Variants in ADH1A observed in about 807,000 individuals in gnomAD.
ADH1A encodes the protein alcohol dehydrogenase 1A.
A neutral mutation model predicts 35.2 loss-of-function variants in ADH1A; 29 were observed. The observed-to-expected ratio is 0.82, with a 90% CI of 0.61 to 1.12. The LOEUF (loss-of-function observed/expected upper bound fraction) is 1.12. ADH1A is among the 50% of genes most tolerant of loss of function. The pLI, the probability that ADH1A is intolerant of heterozygous loss-of-function variation, is 0.00. For synonymous variants in ADH1A, 147 were observed against 164.8 expected (o/e 0.89, Z 0.83); for missense variants, 469 against 464.7 (o/e 1.01, Z -0.09).
intron 6 of ADH1A, among the ~76,000 whole-genome samples, chr4:99,280,910 C>T (rs1431979479): frequency 1.3e-5 from 2 of 152,122 alleles, no homozygotes; most frequent in Non-Finnish European, 2.9e-5. Context: ...TTCCAGTGAG[C>T]TTTCTGAACA....
chr4:99,290,050 A>G (rs1733255591), intron 1 of ADH1A, among the ~76,000 whole-genome samples: 1 of 152,174 alleles, frequency 6.6e-6, no homozygotes, highest in Admixed American at 6.5e-5. Flanking sequence ...TCCTAACACA[A>G]AAAAGGACTG....
chr4:99,279,576 A>T lies in ADH1A; in HGVS notation c.965-12T>A, dbSNP rs988779278. 2 of 1,605,380 alleles carry T rather than the reference A, an allele frequency of 1.2e-6. No individual in the cohort carries two copies. Among genetic ancestry groups the T allele is most frequent in the African/African-American group, 2.7e-5 (2 of 74,356 alleles). On this transcript the variant is annotated splice_polypyrimidine_tract_variant and intron_variant, in intron 7 of 8. Transcript: ENST00000209668. ...TTTACTTTTAAAGCCTGAAAAGAAG[A>T]TGGTATCATTGTTAGATTCAACCAG...
intron 6 of ADH1A, chr4:99,281,717 C>T (rs1166160534): frequency 1.2e-5 from 2 of 161,006 alleles, no homozygotes; most frequent in Non-Finnish European, 2.7e-5. Flanking sequence ...GAGTATATAG[C>T]TTTGAAATTT....
chr4:99,287,159 C>T, intron 2 of ADH1A, 171 bp from the exon 3 acceptor site: 2 of 737,950 alleles, frequency 2.7e-6, no homozygotes, highest in Non-Finnish European at 4.2e-6. Context: ...CAGGCTGAAA[C>T]CCTCCTCTAC....
At position 99,284,404 on chromosome 4, in the gene ADH1A, C is replaced by T. The variant is rs201853974; in HGVS notation, c.562G>A (p.Ala188Thr). The T allele has an allele frequency of 3.3e-5, 53 of 1,614,006 alleles. No homozygotes were observed. Among genetic ancestry groups the T allele is most frequent in the Non-Finnish European group, 4.3e-5 (51 of 1,180,026 alleles). The change falls in exon 5 of 9, where the codon GCC becomes ACC. Residue 188 changes from alanine (A) to threonine (T), a missense_variant. Physicochemically the swap from Ala to Thr is moderately conservative, Grantham distance 58 (BLOSUM62 0). Coordinates refer to ENST00000209668, the MANE Select transcript of ADH1A (RefSeq NM_000667.4). Reference protein sequence around the residue: ...STGYGSAVNVAKVTPGSTCAV... With the variant: ...STGYGSAVNVTKVTPGSTCAV... ...TCACCCATTGCCATTCTTACCTTGG[C>T]AACATTGACTGCAGACCCATAACCA...
chr4:99,279,677 C>A (rs56270330), intron 7 of ADH1A, 113 bp from the exon 8 acceptor site: 39 of 1,296,686 alleles, frequency 3.0e-5, no homozygotes, highest in Middle Eastern at 1.9e-4. Flanking sequence ...CAGACTGCAA[C>A]GACTGAGGTT....
intron 8 of ADH1A, 38 bp downstream of exon 8, chr4:99,279,387 GA>G (rs35613639): frequency 2.9e-5 from 45 of 1,565,906 alleles, no homozygotes; most frequent in Non-Finnish European, 3.3e-5. Flanking sequence ...CCCTATGGTA[GA>G]AAAAAAAGCA....
At position 99,276,621 on chromosome 4, in the gene ADH1A, G is replaced by A. The variant is rs1732873815; in HGVS notation, c.*3C>T. The A allele has an allele frequency of 6.2e-7, 1 of 1,611,742 alleles. No individual in the cohort carries two copies. The highest frequency in any genetic ancestry group is 8.5e-7 in the Non-Finnish European group (1 of 1,177,914). On this transcript the variant is annotated 3_prime_UTR_variant, in exon 9 of 9. Transcript: ENST00000209668. ...TGCCACAAGGGAAAACATCTGTATTGTCTCAAAACATCAGAATGGTACGGA... is the reference window on the plus strand; with the variant it reads ...TGCCACAAGGGAAAACATCTGTATTATCTCAAAACATCAGAATGGTACGGA...
chr4:99,284,760 G>A lies in ADH1A; in HGVS notation c.303C>T (p.Cys101=). ...IPLAIPQCGK[C]RICKNPESNY... The stretch of plus-strand genomic sequence containing the variant: ...TGCTCTCCGGGTTTTTACAAATTCT[G>A]CATTTTCCACACTGAGGAATAGCGA... The change falls in exon 4 of 9, where the codon TGC becomes TGT. Residue 101 remains cysteine (C), a synonymous_variant. Coordinates refer to ENST00000209668, the MANE Select transcript of ADH1A (RefSeq NM_000667.4). 6.2e-7 allele frequency: 1 copy of A among 1,614,172 alleles called. No homozygotes were observed. The highest frequency in any genetic ancestry group is 8.5e-7 in the Non-Finnish European group (1 of 1,180,034).
chr4:99,288,076 G>A (rs891931857), intron 1 of ADH1A, among the ~76,000 whole-genome samples: 5 of 152,122 alleles, frequency 3.3e-5, no homozygotes, highest in Non-Finnish European at 7.4e-5. Flanking sequence ...AAAATACACT[G>A]TTTTCTTTCT....
At chr4:99,290,533 A>G (rs1294228654) in intron 1 of ADH1A, among the ~76,000 whole-genome samples, 1 of 152,222 alleles carries the variant, frequency 6.6e-6, no homozygotes, top group Non-Finnish European at 1.5e-5. Flanking sequence ...ATAGTAATAC[A>G]TTTAAATTAT....
chr4:99,280,982 T>C (rs187505296), intron 6 of ADH1A, among the ~76,000 whole-genome samples: 69 of 152,334 alleles, frequency 4.5e-4, no homozygotes, highest in African/African-American at 1.6e-3. Context: ...AGTTCTTTGA[T>C]TTTGGATTCT....
rs201380866 is a variant in ADH1A, at chr4:99,284,635, A to G, written c.348-17T>C. ...TTGCTTACACTGGACAGTGCAATAC[A>G]AAGACACACAAAGGCATGAGACAGG... On this transcript the variant is annotated splice_polypyrimidine_tract_variant and intron_variant, in intron 4 of 8. Transcript: ENST00000209668. 6.2e-7 allele frequency: 1 copy of G among 1,614,016 alleles called. No individual in the cohort carries two copies. The highest frequency in any genetic ancestry group is 8.5e-7 in the Non-Finnish European group (1 of 1,179,820).
At chr4:99,279,189 G>T (rs758806249) in intron 8 of ADH1A, among the ~76,000 whole-genome samples, 4 of 151,918 alleles carry the variant, frequency 2.6e-5, no homozygotes, top group South Asian at 2.1e-4. Flanking sequence ...TGATCATTCG[G>T]ATTTGCTGTA....
chr4:99,277,861 A>G (rs1387033863), intron 8 of ADH1A, among the ~76,000 whole-genome samples: 3 of 152,028 alleles, frequency 2.0e-5, no homozygotes, highest in Non-Finnish European at 2.9e-5. Flanking sequence ...TGAAACACAT[A>G]TGTGTGTTTG....
chr4:99,289,320 T>C (rs1186855546), intron 1 of ADH1A, among the ~76,000 whole-genome samples: 1 of 152,188 alleles, frequency 6.6e-6, no homozygotes, highest in Admixed American at 6.5e-5. Context: ...ACCAGGACAG[T>C]ACTATTGAAT....
Position 99,279,419 on chromosome 4 carries a change from A to C in ADH1A, c.1103+7T>G, listed in dbSNP as rs1320259261. 5 of 1,586,152 alleles carry C rather than the reference A, an allele frequency of 3.2e-6. No homozygotes were observed. The highest frequency in any genetic ancestry group is 4.3e-6 in the Non-Finnish European group (5 of 1,172,698). On this transcript the variant is annotated splice_region_variant and intron_variant, in intron 8 of 8. Transcript: ENST00000209668. Reference sequence around the variant, plus strand: ...AAGCAAAACAGAAAACTAACTAAAAAATCTACCTTTTCCCAGAGTGAAGCA... The same window carrying C: ...AAGCAAAACAGAAAACTAACTAAAACATCTACCTTTTCCCAGAGTGAAGCA...
At position 99,284,805 on chromosome 4, in the gene ADH1A, T is replaced by C. The variant is rs1370970216; in HGVS notation, c.260-2A>G. The C allele has an allele frequency of 1.2e-6, 2 of 1,612,860 alleles. No individual in the cohort carries two copies. Among genetic ancestry groups the C allele is most frequent in the African/African-American group, 1.3e-5 (1 of 74,896 alleles). ...TAGCGAGTGGGATGACTTTATCACC[T>C]GGAGAGGGATAAAACAAATTCTTTT... is the stretch of plus-strand genomic sequence containing the variant. On this transcript the variant is annotated splice_acceptor_variant, in intron 3 of 8. Coordinates refer to ENST00000209668, the MANE Select transcript of ADH1A (RefSeq NM_000667.4). LOFTEE classifies it high-confidence loss of function.
At chr4:99,284,251 G>T in intron 5 of ADH1A, 148 bp downstream of exon 5, 1 of 858,730 alleles carries the variant, frequency 1.2e-6, no homozygotes, top group Non-Finnish European at 1.8e-6. Flanking sequence ...TCTAGCATGT[G>T]CTCTCAATTC....
Sources: gnomAD v4.1 joint callset for allele counts (sites outside exome capture counted in the v4.1 genomes callset) on GRCh38, gnomAD v4.1.1 for gene constraint, MANE v1.5 for transcripts, NCBI Gene and HGNC (gene_info 2026-07-23, HGNC 2026-07-21) for gene names.